Variants in MGA observed in about 807,000 individuals in gnomAD.
The protein encoded by MGA is MAX gene-associated protein.
MGA carries 40 observed loss-of-function variants against 261.1 expected under a neutral mutation model. That is an observed-to-expected ratio of 0.15 (90% confidence interval 0.12 to 0.20). The LOEUF is 0.20. Ranked by LOEUF, MGA falls within the 10% of genes least tolerant of loss-of-function variation. The probability of loss-of-function intolerance (pLI) is 1.00; values close to 1 mark genes in which losing one functional copy is unlikely to be tolerated. For synonymous variants in MGA, 1,302 were observed against 1,290.6 expected, an observed-to-expected ratio of 1.01 and a Z score of -0.19; for missense variants, 3,397 against 3,630.5, an observed-to-expected ratio of 0.94 and a Z score of 1.65.
chr15:41,658,947 C>T (rs1003527964), upstream of MGA, among the ~76,000 whole-genome samples: 2 of 152,032 alleles, frequency 1.3e-5, no homozygotes, highest in African/African-American at 2.4e-5. Context: ...ACTTCTTCCC[C>T]AGAAAATGGA....
chr15:41,760,599 A>G, intron 20 of MGA, 70 bp downstream of exon 20: 1 of 1,451,118 alleles, frequency 6.9e-7, no homozygotes, highest in South Asian at 1.2e-5. Context: ...GAGAAAGATA[A>G]TCCACTGACA....
chr15:41,657,626 G>T (rs773682810), upstream of MGA, among the ~76,000 whole-genome samples: 7 of 151,650 alleles, frequency 4.6e-5, no homozygotes, highest in Non-Finnish European at 1.0e-4. Flanking sequence ...AAAGTGCTAG[G>T]ATTACAGGAC....
chr15:41,695,839 GT>G (rs2059527543), intron 2 of MGA, among the ~76,000 whole-genome samples: 1 of 152,186 alleles, frequency 6.6e-6, no homozygotes, highest in South Asian at 2.1e-4. Context: ...TCAGCTGGCA[GT>G]TTAATGGCCC....
chr15:41,630,755 G>A (rs1864700278), intron 1 of MGA, among the ~76,000 whole-genome samples: 1 of 152,086 alleles, frequency 6.6e-6, no homozygotes, highest in Non-Finnish European at 1.5e-5. Flanking sequence ...CTCAGTAGTC[G>A]GGAATTCTAT....
At chr15:41,750,641 T>G (rs772805978) in intron 17 of MGA, 26 bp downstream of exon 17, 1 of 1,565,416 alleles carries the variant, frequency 6.4e-7, no homozygotes, top group Non-Finnish European at 8.6e-7. Flanking sequence ...TTGTTGTGAC[T>G]GAAACCTAAA....
chr15:41,635,838 A>T (rs529123983), intron 1 of MGA, among the ~76,000 whole-genome samples: 16 of 152,302 alleles, frequency 1.1e-4, no homozygotes, highest in African/African-American at 3.8e-4. Flanking sequence ...TTGCATAGTG[A>T]TAGGGTAGCT....
chr15:41,662,055 G>C (rs957603144), intron 1 of MGA, among the ~76,000 whole-genome samples: 1 of 152,100 alleles, frequency 6.6e-6, no homozygotes, highest in African/African-American at 2.4e-5. Context: ...TGCTCCTCTC[G>C]GGGAAGGCAG....
chr15:41,652,447 C>T (rs988170874), intron 1 of MGA, among the ~76,000 whole-genome samples: 8 of 151,298 alleles, frequency 5.3e-5, no homozygotes, highest in African/African-American at 1.5e-4. Flanking sequence ...TTCACTGAAG[C>T]GTCAAACTTC....
At chr15:41,675,565 A>G (rs2058329626) in intron 2 of MGA, among the ~76,000 whole-genome samples, 1 of 151,986 alleles carries the variant, frequency 6.6e-6, no homozygotes, top group African/African-American at 2.4e-5. Flanking sequence ...TTATGTAGAA[A>G]TGGGATCTTG....
At chr15:41,745,339 C>T (rs766306874) in intron 15 of MGA, among the ~76,000 whole-genome samples, 3 of 145,730 alleles carry the variant, frequency 2.1e-5, no homozygotes, top group African/African-American at 7.6e-5. Context: ...CAGCATTACT[C>T]GGCATAATAG....
intron 11 of MGA, among the ~76,000 whole-genome samples, chr15:41,729,870 CTTTTT>C (rs768900334): frequency 6.6e-6 from 1 of 151,768 alleles, no homozygotes; most frequent in Non-Finnish European, 1.5e-5. Context: ...TTTTTCTTTT[CTTTTT>C]TGTTATAATA....
At chr15:41,622,845 A>G (rs2056340433) in intron 1 of MGA, among the ~76,000 whole-genome samples, 1 of 152,192 alleles carries the variant, frequency 6.6e-6, no homozygotes. Flanking sequence ...AAAAGTATAA[A>G]TTGTATGTTT....
Position 41,706,794 on chromosome 15 carries a change from G to A in MGA, c.2189-934G>A, listed in dbSNP as rs533378445. On this transcript the variant is annotated intron_variant, in intron 5 of 23. Coordinates refer to ENST00000219905, the MANE Select transcript of MGA (RefSeq NM_001164273.2). ...TCACCATGTTGGCCAGGCTGGTCTC[G>A]AACTCCTGACCTCAAGTGATCTGTC... Among the ~76,000 whole-genome samples, 9 of 151,832 alleles carry A rather than the reference G, an allele frequency of 5.9e-5. No individual in the cohort carries two copies. In the East Asian group the frequency reaches 1.2e-3, roughly 20 times the overall value.
At chr15:41,664,284 AACTC>A (rs796589792) in intron 1 of MGA, among the ~76,000 whole-genome samples, 215 of 152,336 alleles carry the variant, frequency 1.4e-3, no homozygotes, top group African/African-American at 4.9e-3. Flanking sequence ...CAGAAAGAAA[AACTC>A]AGTGTGTGTA....
chr15:41,676,937 C>G (rs999453510), intron 2 of MGA, among the ~76,000 whole-genome samples: 4 of 152,184 alleles, frequency 2.6e-5, no homozygotes, highest in Non-Finnish European at 5.9e-5. Flanking sequence ...TGCTTTCCCC[C>G]CCAAAATCCC....
chr15:41,634,914 A>C (rs1358661051), intron 1 of MGA, among the ~76,000 whole-genome samples: 1 of 152,138 alleles, frequency 6.6e-6, no homozygotes. Context: ...TTAATGAAAA[A>C]ATAGTACTTG....
chr15:41,634,763 T>C (rs2056664983), intron 1 of MGA, among the ~76,000 whole-genome samples: 1 of 152,116 alleles, frequency 6.6e-6, no homozygotes, highest in African/African-American at 2.4e-5. Flanking sequence ...TTGGTTAGAA[T>C]GAGGTTTTGT....
rs1337789886 is a variant in MGA at position 41,749,878 on chromosome 15, G to C, written c.6271G>C (p.Glu2091Gln). The change falls in exon 17 of 24, where the codon GAA (glutamate) becomes CAA (glutamine). Residue 2091 changes from glutamate to glutamine, a missense_variant. Coordinates refer to ENST00000219905, the MANE Select transcript of MGA (RefSeq NM_001164273.2). Reference sequence around the variant, plus strand: ...TGTTCTGGAAGTTAGGACCATTTCTGAAAAAGCCAGTAATAAGACAGTCCA... The same window carrying C: ...TGTTCTGGAAGTTAGGACCATTTCTCAAAAAGCCAGTAATAAGACAGTCCA... 1 of 1,613,780 alleles carries C rather than the reference G, an allele frequency of 6.2e-7. No homozygotes were observed. Among genetic ancestry groups the C allele is most frequent in the Non-Finnish European group, 8.5e-7 (1 of 1,179,882 alleles).
chr15:41,626,771 C>T (rs1356041199), intron 1 of MGA, among the ~76,000 whole-genome samples: 1 of 152,124 alleles, frequency 6.6e-6, no homozygotes, highest in East Asian at 1.9e-4. Context: ...AAATTGCAGA[C>T]TACAAAGAGA....
Sources: allele counts gnomAD v4.1 joint callset (sites outside exome capture counted in the v4.1 genomes callset), GRCh38; gene constraint gnomAD v4.1.1; transcripts MANE v1.5; gene names NCBI Gene and HGNC (gene_info 2026-07-23, HGNC 2026-07-21).